The following FGGY variants were observed in gnomAD, a reference collection of about 807,000 sequenced individuals.
The protein encoded by FGGY is FGGY carbohydrate kinase domain containing, also known as FGGY carbohydrate kinase domain-containing protein.
FGGY carries 72 observed loss-of-function variants against 71.3 expected under a neutral mutation model. That is an observed-to-expected ratio of 1.01 (90% CI 0.84 to 1.23). The LOEUF (loss-of-function observed/expected upper bound fraction) is 1.23. Ranked by LOEUF, FGGY falls within the 50% of genes most tolerant of loss-of-function variation. FGGY has a pLI of 0.00. For missense variants in FGGY, 668 were observed against 682.3 expected (o/e 0.98, Z 0.23); for synonymous variants, 251 against 250.3 (o/e 1.00, Z -0.02).
At chr1:59,299,465 G>A (rs1041493706) in intron 1 of FGGY, among the ~76,000 whole-genome samples, 4 of 152,206 alleles carry the variant, frequency 2.6e-5, no homozygotes, top group African/African-American at 7.2e-5. Flanking sequence ...GGCGAAGCCC[G>A]GAGAGAGGTA....
chr1:59,369,609 C>G, intron 4 of FGGY, among the ~76,000 whole-genome samples: 1 of 152,212 alleles, frequency 6.6e-6, no homozygotes, highest in Non-Finnish European at 1.5e-5. Context: ...AGACTGCCTC[C>G]TCAAGTGGGT....
chr1:59,458,787 C>T (rs2091941661), intron 6 of FGGY, among the ~76,000 whole-genome samples: 1 of 152,126 alleles, frequency 6.6e-6, no homozygotes, highest in African/African-American at 2.4e-5. Flanking sequence ...GTGATGTTTC[C>T]TTTGATTTTC....
At chr1:59,610,768 G>T (rs955191804) in intron 9 of FGGY, among the ~76,000 whole-genome samples, 2 of 152,194 alleles carry the variant, frequency 1.3e-5, no homozygotes, top group Non-Finnish European at 1.5e-5. Flanking sequence ...CCTAGCCAAG[G>T]AAAGCCATGA....
At chr1:59,565,441 T>C (rs996957250) in intron 8 of FGGY, among the ~76,000 whole-genome samples, 2 of 152,100 alleles carry the variant, frequency 1.3e-5, no homozygotes, top group African/African-American at 4.8e-5. Flanking sequence ...CCCGCCACCA[T>C]GCCCGGCTAA....
chr1:59,335,499 T>C (rs2049312167), intron 2 of FGGY, among the ~76,000 whole-genome samples: 1 of 152,214 alleles, frequency 6.6e-6, no homozygotes, highest in Non-Finnish European at 1.5e-5. Context: ...ATATCAATAA[T>C]GCTGCTATGA....
At chr1:59,699,648 A>G (rs2097693778) in intron 14 of FGGY, among the ~76,000 whole-genome samples, 1 of 152,232 alleles carries the variant, frequency 6.6e-6, no homozygotes, top group Non-Finnish European at 1.5e-5. Context: ...TTTTATAAAA[A>G]TAAAGAACTA....
At chr1:59,588,119 GC>G (rs1425780664) in intron 8 of FGGY, among the ~76,000 whole-genome samples, 5 of 152,228 alleles carry the variant, frequency 3.3e-5, no homozygotes, top group Admixed American at 3.3e-4. Context: ...GGAGCTGAAA[GC>G]CAAGGCTCGA....
At position 59,335,664 on chromosome 1, in the gene FGGY, A is replaced by G. The variant is rs78722857; in HGVS notation, c.202-4294A>G. ...GTATAAGGGCATCACTTTCTCCACA[A>G]TTCTCTAACACTTGGTATTGTCAGT... On this transcript the variant is annotated intron_variant, in intron 2 of 15. Coordinates refer to ENST00000303721, the MANE Select transcript of FGGY (RefSeq NM_018291.5). Among the ~76,000 whole-genome samples the G allele has an allele frequency of 8.4e-3, 1,282 of 152,278 alleles. 21 individuals carry two copies. The highest frequency in any genetic ancestry group is 0.029 in the African/African-American group (1,207 of 41,550).
intron 10 of FGGY, 87 bp from the exon 11 acceptor site, chr1:59,638,141 C>T (rs1334329876): frequency 2.4e-5 from 32 of 1,348,172 alleles, no homozygotes; most frequent in Non-Finnish European, 3.2e-5. Context: ...TTTCCTGGAT[C>T]TGGAAGTACA....
intron 6 of FGGY, among the ~76,000 whole-genome samples, chr1:59,509,064 G>A (rs779586182): frequency 1.6e-4 from 24 of 152,296 alleles, no homozygotes; most frequent in Non-Finnish European, 2.6e-4. Context: ...TGTCCTGGGA[G>A]GTGCATCACC....
At chr1:59,521,570 T>A (rs1250809191) in intron 7 of FGGY, among the ~76,000 whole-genome samples, 1 of 152,188 alleles carries the variant, frequency 6.6e-6, no homozygotes, top group Non-Finnish European at 1.5e-5. Context: ...TACACTCCTG[T>A]TTGGATAATG....
At chr1:59,569,007 C>T (rs1312163684) in intron 8 of FGGY, among the ~76,000 whole-genome samples, 2 of 152,028 alleles carry the variant, frequency 1.3e-5, no homozygotes, top group Admixed American at 6.6e-5. Flanking sequence ...AAAAAGGCTG[C>T]TCATTTTTAT....
chr1:59,719,867 A>G (rs778054120), intron 14 of FGGY, among the ~76,000 whole-genome samples: 4 of 152,240 alleles, frequency 2.6e-5, no homozygotes, highest in Admixed American at 1.3e-4. Flanking sequence ...CCAAAAAGAC[A>G]TGACCTGTGA....
rs536772707 is a variant in FGGY at position 59,668,501 on chromosome 1, A to G, written c.1417+1098A>G. On this transcript the variant is annotated intron_variant, in intron 13 of 15. Coordinates refer to ENST00000303721, the MANE Select transcript of FGGY (RefSeq NM_018291.5). ...ACTTTCTTACCTCTGACTTCTGGCC[A>G]GGTCAAAGTCCCTGCCCCATTATAT... Among the ~76,000 whole-genome samples, 67 of 152,306 alleles carry G rather than the reference A, an allele frequency of 4.4e-4. 3 individuals are homozygous for G. In the South Asian group the frequency reaches 0.013, roughly 29 times the overall value.
intron 3 of FGGY, among the ~76,000 whole-genome samples, chr1:59,342,084 T>G (rs1374427915): frequency 1.3e-5 from 2 of 152,200 alleles, no homozygotes; most frequent in East Asian, 1.9e-4. Flanking sequence ...TTCAAGGATT[T>G]TGTATCATCT....
chr1:59,692,372 A>C (rs888915907), intron 14 of FGGY, among the ~76,000 whole-genome samples: 10 of 152,206 alleles, frequency 6.6e-5, no homozygotes, highest in African/African-American at 2.4e-4. Flanking sequence ...TCTGCCCGTT[A>C]GGCTTTCTTA....
chr1:59,440,908 T>C (rs879774422), intron 5 of FGGY, among the ~76,000 whole-genome samples: 3 of 151,342 alleles, frequency 2.0e-5, no homozygotes, highest in Admixed American at 2.0e-4. Context: ...TACTCTTGAG[T>C]TTGTTTCAGC....
Position 59,527,197 on chromosome 1 carries a change from A to G in FGGY, c.799+14758A>G, listed in dbSNP as rs186668740. 1.5e-3 allele frequency among the ~76,000 whole-genome samples: 234 copies of G among 152,368 alleles called. 3 individuals are homozygous for G. The highest frequency in any genetic ancestry group is 0.011 in the Admixed American group (165 of 15,306). On this transcript the variant is annotated intron_variant, in intron 7 of 15. Coordinates refer to ENST00000303721, the MANE Select transcript of FGGY (RefSeq NM_018291.5). ...GATCTTCCATTAAAGTAGTAAAAAG[A>G]TACCATCTCATTTTAAGCTTAGAGC...
intron 4 of FGGY, among the ~76,000 whole-genome samples, chr1:59,365,496 C>G (rs562330880): frequency 6.6e-6 from 1 of 152,336 alleles, no homozygotes; most frequent in Non-Finnish European, 1.5e-5. Flanking sequence ...TGGCTTGATC[C>G]AGGTCACTGT....
Sources: gnomAD v4.1 joint callset for allele counts (sites outside exome capture counted in the v4.1 genomes callset) on GRCh38, gnomAD v4.1.1 for gene constraint, MANE v1.5 for transcripts, NCBI Gene and HGNC (gene_info 2026-07-23, HGNC 2026-07-21) for gene names.